XRN2: variants seen among roughly 807,000 people sequenced by gnomAD.
The protein encoded by XRN2 is 5'-3' exoribonuclease 2, also known as DHM1-like protein.
XRN2 carries 44 observed loss-of-function variants against 138.5 expected under a neutral mutation model. The ratio of observed to expected loss-of-function variants is 0.32; its 90% confidence interval spans 0.25 to 0.41. The LOEUF is 0.41. Among genes scored for constraint, XRN2 ranks in the 10% least tolerant of loss-of-function variants. The pLI, the probability that XRN2 is intolerant of heterozygous loss-of-function variation, is 1.00. For missense variants in XRN2, 937 were observed against 1,169.3 expected (o/e 0.80, Z 2.90); for synonymous variants, 354 against 369.4 (o/e 0.96, Z 0.48).
In XRN2 at chr20:21,380,812, G is replaced by A. The variant is rs549771708; in HGVS notation, c.2585-1182G>A. ...CAGCTGGCCATGGACTGATGTGGGA[G>A]TGGGCTGTGGCAGCTGCAGATGGCT... On this transcript the variant is annotated intron_variant, in intron 27 of 29. Coordinates refer to ENST00000377191, the MANE Select transcript of XRN2 (RefSeq NM_012255.5). 1.2e-3 allele frequency among the ~76,000 whole-genome samples: 185 copies of A among 152,208 alleles called. 1 individual carries two copies. The highest frequency in any genetic ancestry group is 4.2e-3 in the Admixed American group (64 of 15,282).
At chr20:21,368,965 A>G (rs2038733064) in intron 27 of XRN2, among the ~76,000 whole-genome samples, 1 of 152,164 alleles carries the variant, frequency 6.6e-6, no homozygotes, top group African/African-American at 2.4e-5. Flanking sequence ...ATTATTGACT[A>G]TGGTCATCCT....
intron 1 of XRN2, among the ~76,000 whole-genome samples, chr20:21,323,619 G>A (rs2038078583): frequency 6.6e-6 from 1 of 152,126 alleles, no homozygotes; most frequent in Non-Finnish European, 1.5e-5. Flanking sequence ...GTACTCTTGA[G>A]GGGAAAATAT....
rs747324715 is a variant in XRN2, at chr20:21,349,475, G to A, written c.1936+14G>A. 9.0e-6 allele frequency: 14 copies of A among 1,557,152 alleles called. No homozygotes were observed. Among genetic ancestry groups the A allele is most frequent in the Admixed American group, 3.4e-5 (2 of 59,152 alleles). On this transcript the variant is annotated intron_variant, in intron 20 of 29. Coordinates refer to ENST00000377191, the MANE Select transcript of XRN2 (RefSeq NM_012255.5). ...ATGCATGGCAAGGTAAAATTTAGACGTTCTTTTCTGGTAAAACTGTGAACA... is the reference window on the plus strand; with the variant it reads ...ATGCATGGCAAGGTAAAATTTAGACATTCTTTTCTGGTAAAACTGTGAACA...
rs2037763906 is a variant in XRN2, at chr20:21,303,335, C to T, written c.-64C>T. 3.7e-5 allele frequency: 56 copies of T among 1,528,052 alleles called. 1 individual carries two copies. In the South Asian group the frequency reaches 6.4e-4, roughly 18 times the overall value. 94.7% of individuals were successfully genotyped at this position (1,528,052 alleles called of 1,614,324 possible). A position where few individuals can be genotyped will look rare whatever the true frequency, so the allele number is the denominator to read the frequency against. On this transcript the variant is annotated 5_prime_UTR_variant, in exon 1 of 30. Transcript: ENST00000377191. ...GAGGAAGTGCTGGTGCCCTCTGCCG[C>T]TGCTCCCGTCTCTTTGGTTACGCTC...
In XRN2 at chr20:21,386,992, C is replaced by T. The variant is rs6047420; in HGVS notation, c.2773C>T (p.Arg925Cys). 15 of 1,608,906 alleles carry T rather than the reference C, an allele frequency of 9.3e-6. No individual in the cohort carries two copies. The highest frequency in any genetic ancestry group is 6.7e-5 in the East Asian group (3 of 44,732). ...PGGYPPRRDDRGGRQGYPREG... is the reference protein window; with the variant it reads ...PGGYPPRRDDCGGRQGYPREG... ...TGGGTATCCACCCAGACGAGATGAT[C>T]GTGGAGGGAGACAGGTAAATGGTTG... Residue 925 changes from arginine to cysteine, a missense_variant, in exon 29 of 30, where the codon CGT becomes TGT. Arg to Cys is a radical substitution (Grantham distance 180). Around this residue, in one of 6 missense-constraint regions of XRN2, gnomAD observed 372 missense variants for 414.4 expected, o/e 0.90. Coordinates refer to ENST00000377191, the MANE Select transcript of XRN2 (RefSeq NM_012255.5).
chr20:21,357,867 GATTC>G, intron 24 of XRN2, 75 bp downstream of exon 24: 1 of 1,283,186 alleles, frequency 7.8e-7, no homozygotes, highest in South Asian at 1.4e-5. Context: ...AAAGACCTTT[GATTC>G]ACAAGGAAAT....
intron 16 of XRN2, among the ~76,000 whole-genome samples, chr20:21,344,575 C>T (rs1055216728): frequency 2.0e-5 from 3 of 152,142 alleles, no homozygotes; most frequent in African/African-American, 7.2e-5. Flanking sequence ...CTAGAAAGTT[C>T]AGTTATACTT....
chr20:21,350,461 G>A (rs973763214), intron 20 of XRN2, among the ~76,000 whole-genome samples: 2 of 129,540 alleles, frequency 1.5e-5, no homozygotes, highest in Non-Finnish European at 1.6e-5. Context: ...GGGAGGCAGA[G>A]CTTGCAGTGA....
At chr20:21,356,207 T>A (rs1243316921) in intron 22 of XRN2, 30 bp downstream of exon 22, 1 of 1,555,436 alleles carries the variant, frequency 6.4e-7, no homozygotes, top group East Asian at 2.3e-5. Context: ...TAATTAGAAA[T>A]GCACTTTTTA....
intron 24 of XRN2, among the ~76,000 whole-genome samples, chr20:21,364,962 C>CT (rs1268184274): frequency 6.6e-6 from 1 of 152,080 alleles, no homozygotes. Context: ...GATTTCTTAG[C>CT]TATTTGTGTG....
At chr20:21,303,926 G>T (rs2122146932) in intron 1 of XRN2, 1 of 924,138 alleles carries the variant, frequency 1.1e-6, no homozygotes, top group African/African-American at 1.8e-5. Context: ...ATCCCTGGCG[G>T]CGACCTTTTC....
intron 13 of XRN2, among the ~76,000 whole-genome samples, chr20:21,334,499 AT>A (rs2122219943): frequency 6.6e-6 from 1 of 152,252 alleles, no homozygotes; most frequent in South Asian, 2.1e-4. Flanking sequence ...GTCTATTGGG[AT>A]TGAACTAGTG....
intron 1 of XRN2, among the ~76,000 whole-genome samples, chr20:21,324,428 G>A (rs556667745): frequency 1.2e-4 from 18 of 150,926 alleles, no homozygotes; most frequent in Admixed American, 4.6e-4. Context: ...ATATGTATTC[G>A]TCCCTGAGCA....
In XRN2 at chr20:21,333,953, C is replaced by T. The variant is rs746894001; in HGVS notation, c.1084C>T (p.Arg362Cys). ...SLEIRENAID[R>C]LVNIYKNVVH... ...TGCTGACAGGGAAAATGCAATTGAC[C>T]GTTTGGTTAACATATACAAAAATGT... Residue 362 changes from arginine (R) to cysteine (C), a missense_variant, in exon 12 of 30, where the codon CGT becomes TGT. Arg to Cys is a radical substitution (Grantham distance 180). Coordinates refer to ENST00000377191, the MANE Select transcript of XRN2 (RefSeq NM_012255.5). The T allele has an allele frequency of 1.2e-5, 20 of 1,614,002 alleles. No individual in the cohort carries two copies. The highest frequency in any genetic ancestry group is 6.6e-5 in the South Asian group (6 of 91,042).
At chr20:21,370,543 AAGGTGTCC>A (rs2038749798) in intron 27 of XRN2, among the ~76,000 whole-genome samples, 1 of 152,220 alleles carries the variant, frequency 6.6e-6, no homozygotes, top group Admixed American at 6.5e-5. Context: ...CTGAAAGACA[AAGGTGTCC>A]CTTTCTTGAT....
In XRN2 at chr20:21,344,153, A is replaced by G. The variant is rs2038406968; in HGVS notation, c.1474A>G (p.Ile492Val). 1 of 1,613,476 alleles carries G rather than the reference A, an allele frequency of 6.2e-7. No individual in the cohort carries two copies. The highest frequency in any genetic ancestry group is 1.3e-5 in the African/African-American group (1 of 74,912). ...SDGSPSPLGGIKRKAEDSDSE... is the reference protein window; with the variant it reads ...SDGSPSPLGGVKRKAEDSDSE... ...TGGCTCCCCGTCTCCATTAGGAGGA[A>G]TTAAGCGAAAAGCAGAAGACAGTGA... The change falls in exon 16 of 30, where the codon ATT becomes GTT. Residue 492 changes from isoleucine (I) to valine (V), a missense_variant. Around this residue, in one of 6 missense-constraint regions of XRN2, gnomAD observed 471 missense variants for 581.2 expected, o/e 0.81. Transcript: ENST00000377191.
chr20:21,378,925 C>T (rs995871453), intron 27 of XRN2, among the ~76,000 whole-genome samples: 2 of 152,118 alleles, frequency 1.3e-5, no homozygotes, highest in African/African-American at 4.8e-5. Flanking sequence ...TTGTTGGAAT[C>T]GAGTGTAGCC....
intron 24 of XRN2, among the ~76,000 whole-genome samples, chr20:21,360,344 C>G (rs1463465074): frequency 6.6e-6 from 1 of 152,124 alleles, no homozygotes; most frequent in Non-Finnish European, 1.5e-5. Flanking sequence ...AGTGCTCTTC[C>G]TTTCTTTTCT....
intron 16 of XRN2, among the ~76,000 whole-genome samples, chr20:21,344,928 G>C (rs1048052084): frequency 6.6e-6 from 1 of 152,088 alleles, no homozygotes; most frequent in South Asian, 2.1e-4. Flanking sequence ...TTAGGAAAAC[G>C]ATCTATTTCA....
Sources: gnomAD v4.1 joint callset for allele counts (sites outside exome capture counted in the v4.1 genomes callset) on GRCh38, gnomAD v4.1.1 for gene constraint, gnomAD v4.1.1 regional missense constraint, MANE v1.5 for transcripts, NCBI Gene and HGNC (gene_info 2026-07-23, HGNC 2026-07-21) for gene names.